Variants in EXOC3L2 observed in about 807,000 individuals in gnomAD.
EXOC3L2 encodes the protein exocyst complex component 3-like protein 2.
A neutral mutation model predicts 44.4 loss-of-function variants in EXOC3L2; 17 were observed. That is an observed-to-expected ratio of 0.38 (90% CI 0.26 to 0.57). The LOEUF (loss-of-function observed/expected upper bound fraction) is 0.57, where lower values mean the gene tolerates loss of function less well. Among genes scored for constraint, EXOC3L2 ranks in the 20% least tolerant of loss-of-function variants. The pLI, the probability that EXOC3L2 is intolerant of heterozygous loss-of-function variation, is 0.65. For missense variants in EXOC3L2, 541 were observed against 588.4 expected (o/e 0.92, Z 0.83); for synonymous variants, 256 against 253.7 (o/e 1.01, Z -0.09).
At chr19:45,222,615 GCTCT>G (rs897185468) in intron 8 of EXOC3L2, among the ~76,000 whole-genome samples, 1 of 151,906 alleles carries the variant, frequency 6.6e-6, no homozygotes, top group African/African-American at 2.4e-5. Flanking sequence ...TTTTGCTTCT[GCTCT>G]CTCTGTCTGT....
At chr19:45,242,656 G>A (rs55790607) in intron 1 of EXOC3L2, among the ~76,000 whole-genome samples, 2 of 152,224 alleles carry the variant, frequency 1.3e-5, no homozygotes, top group African/African-American at 4.8e-5. Context: ...GAGGTCAGGA[G>A]TTTGAGACAA....
At chr19:45,230,863 T>C (rs1037998315) in intron 4 of EXOC3L2, among the ~76,000 whole-genome samples, 8 of 152,018 alleles carry the variant, frequency 5.3e-5, no homozygotes, top group African/African-American at 1.4e-4. Flanking sequence ...GGCTGGAGGA[T>C]CACTTGAGGC....
rs766676348 is a variant in EXOC3L2, at chr19:45,227,655, C to G, written c.1583+7G>C. ...TCCTCCCTCCATCACACCATGGATG[C>G]CCTCACCTCAGTGGGGGGCCGCAGT... On this transcript the variant is annotated splice_region_variant and intron_variant, in intron 7 of 11. Coordinates refer to ENST00000413988, the MANE Select transcript of EXOC3L2 (RefSeq NM_001382422.1). 1.9e-6 allele frequency: 3 copies of G among 1,606,868 alleles called. No individual in the cohort carries two copies. The African/African-American group carries it at 4.0e-5, about 21-fold the overall frequency.
rs778097506 is a variant in EXOC3L2 at position 45,231,777 on chromosome 19, C to G, written c.1255G>C (p.Val419Leu). ...GTTCCAGGTACCTTAACATCTGTGACGCATTCATCCTCCAAACCCCGCAGG... is the reference window on the plus strand; with the variant it reads ...GTTCCAGGTACCTTAACATCTGTGAGGCATTCATCCTCCAAACCCCGCAGG... ...GTLRGLEDEC[V>L]TDVKAQTRAA... Residue 419 changes from valine to leucine, a missense_variant, in exon 4 of 12, where the codon GTC becomes CTC. Physicochemically the swap from Val to Leu is conservative, Grantham distance 32. Transcript: ENST00000413988. The G allele has an allele frequency of 1.2e-6, 2 of 1,609,590 alleles. No homozygotes were observed. Among genetic ancestry groups the G allele is most frequent in the African/African-American group, 1.3e-5 (1 of 75,006 alleles).
rs1599759895 is a variant in EXOC3L2 at position 45,216,297 on chromosome 19, C to T, written c.1999-103G>A. 12 of 1,456,082 alleles carry T rather than the reference C, an allele frequency of 8.2e-6. No homozygotes were observed. The East Asian group carries it at 3.0e-4, about 36-fold the overall frequency. The allele number at this position is 1,456,082 out of a possible 1,614,324, so 90.2% of individuals were successfully genotyped here. A position where few individuals can be genotyped will look rare whatever the true frequency, so the allele number is the denominator to read the frequency against. Reference sequence around the variant, plus strand: ...ACCATCTCTAAAATGTAGCAGAAACCAGGGGTGGTGGCTCAAGCCTGTAAT... The same window carrying T: ...ACCATCTCTAAAATGTAGCAGAAACTAGGGGTGGTGGCTCAAGCCTGTAAT... On this transcript the variant is annotated intron_variant, in intron 10 of 11. Transcript: ENST00000413988.
At chr19:45,230,462 C>T (rs966011880) in intron 4 of EXOC3L2, among the ~76,000 whole-genome samples, 5 of 152,156 alleles carry the variant, frequency 3.3e-5, no homozygotes, top group Non-Finnish European at 5.9e-5. Context: ...TCGTGATCCA[C>T]CCGCCTCGGC....
intron 8 of EXOC3L2, among the ~76,000 whole-genome samples, chr19:45,219,174 C>T (rs909280489): frequency 3.3e-5 from 5 of 151,930 alleles, no homozygotes; most frequent in African/African-American, 4.8e-5. Context: ...GATCACACCA[C>T]TGCACTCCAG....
chr19:45,227,882 T>C (rs1399478755), intron 6 of EXOC3L2, 92 bp downstream of exon 6: 4 of 1,513,694 alleles, frequency 2.6e-6, no homozygotes, highest in Non-Finnish European at 3.6e-6. Context: ...TGTCCTCAGG[T>C]GACTCCCTCT....
intron 1 of EXOC3L2, among the ~76,000 whole-genome samples, chr19:45,244,743 C>A (rs1032452407): frequency 1.3e-5 from 2 of 152,136 alleles, no homozygotes; most frequent in Non-Finnish European, 2.9e-5. Flanking sequence ...TCACCTCCAA[C>A]GCTCAGCATC....
At chr19:45,225,986 C>T (rs1969955555) in intron 7 of EXOC3L2, among the ~76,000 whole-genome samples, 1 of 152,154 alleles carries the variant, frequency 6.6e-6, no homozygotes, top group Non-Finnish European at 1.5e-5. Context: ...CCCACTTCTG[C>T]CCTTTCCTTC....
chr19:45,235,685 G>T (rs1459093933), intron 2 of EXOC3L2, among the ~76,000 whole-genome samples: 3 of 152,160 alleles, frequency 2.0e-5, no homozygotes, highest in African/African-American at 7.2e-5. Context: ...CTTCCTCCCT[G>T]GCAGAGAAAC....
intron 1 of EXOC3L2, among the ~76,000 whole-genome samples, chr19:45,245,105 T>A (rs1970159229): frequency 6.6e-6 from 1 of 152,034 alleles, no homozygotes; most frequent in Non-Finnish European, 1.5e-5. Context: ...GCACCCTTTG[T>A]GGACCCCGCG....
Position 45,212,907 on chromosome 19 carries a change from C to T in EXOC3L2, c.*162G>A. 1 of 777,206 alleles carries T rather than the reference C, an allele frequency of 1.3e-6. No homozygotes were observed. Among genetic ancestry groups the T allele is most frequent in the Non-Finnish European group, 1.8e-6 (1 of 540,978 alleles). 48.1% of individuals were successfully genotyped at this position (777,206 alleles called of 1,614,324 possible). On this transcript the variant is annotated 3_prime_UTR_variant, in exon 12 of 12. Transcript: ENST00000413988. ...GAGCCACCGTGCCTGGCGTTTGTTT[C>T]CCTTCTGTACAGGGAGTTTGGGGTT...
At chr19:45,220,827 G>T (rs1969888567) in intron 8 of EXOC3L2, among the ~76,000 whole-genome samples, 1 of 151,766 alleles carries the variant, frequency 6.6e-6, no homozygotes, top group Non-Finnish European at 1.5e-5. Context: ...CGAGACTGAG[G>T]TAGAAATGAT....
intron 10 of EXOC3L2, 36 bp from the exon 11 acceptor site, chr19:45,216,230 C>T (rs2122954848): frequency 1.2e-6 from 2 of 1,607,552 alleles, no homozygotes; most frequent in Non-Finnish European, 1.7e-6. Context: ...CACACCCTCC[C>T]AAGATTGACC....
chr19:45,237,683 G>A (rs1970095632), intron 2 of EXOC3L2, among the ~76,000 whole-genome samples: 1 of 151,996 alleles, frequency 6.6e-6, no homozygotes, highest in African/African-American at 2.4e-5. Context: ...ACAGGGTGGT[G>A]TTAGGGATTG....
intron 4 of EXOC3L2, 41 bp from the exon 5 acceptor site, chr19:45,228,307 G>T (rs1176698024): frequency 1.3e-6 from 2 of 1,574,884 alleles, no homozygotes; most frequent in East Asian, 2.2e-5. Flanking sequence ...GTTGGGGGCG[G>T]CCTGGAGGTC....
chr19:45,215,575 G>A (rs1969823872), intron 11 of EXOC3L2, among the ~76,000 whole-genome samples: 1 of 152,038 alleles, frequency 6.6e-6, no homozygotes, highest in South Asian at 2.1e-4. Flanking sequence ...GGATGATGAT[G>A]ATGATGATGA....
chr19:45,224,661 C>G (rs531668975), intron 8 of EXOC3L2, 117 bp downstream of exon 8: 23 of 1,395,624 alleles, frequency 1.6e-5, no homozygotes, highest in East Asian at 5.6e-5. Context: ...CCCTGCCCCC[C>G]GCCCCTGTCT....
Sources: gnomAD v4.1 joint callset for allele counts (sites outside exome capture counted in the v4.1 genomes callset) on GRCh38, gnomAD v4.1.1 for gene constraint, MANE v1.5 for transcripts, NCBI Gene and HGNC (gene_info 2026-07-23, HGNC 2026-07-21) for gene names.